ZNF362: variants seen among roughly 807,000 people sequenced by gnomAD.
The protein encoded by ZNF362 is zinc finger protein 362.
Under a neutral mutation model 42.9 loss-of-function variants are expected in ZNF362, and 11 were observed. That is an observed-to-expected ratio of 0.26 (90% CI 0.16 to 0.42). The LOEUF (loss-of-function observed/expected upper bound fraction) is 0.42, where lower values mean the gene tolerates loss of function less well. Among genes scored for constraint, ZNF362 ranks in the 20% least tolerant of loss-of-function variants. ZNF362 has a pLI of 1.00. For synonymous variants in ZNF362, 255 were observed against 257.3 expected (o/e 0.99, Z 0.09); for missense variants, 362 against 576.2 (o/e 0.63, Z 3.81).
At chr1:33,132,830 C>A in the ZNF362 span, among the ~76,000 whole-genome samples, 2 of 152,174 alleles carry the variant, frequency 1.3e-5, no homozygotes, top group Admixed American at 1.3e-4. Flanking sequence ...GTCCTGAGAT[C>A]TTGGGTAGTG....
intron 1 of ZNF362, among the ~76,000 whole-genome samples, chr1:33,263,098 T>C (rs1645840211): frequency 6.6e-6 from 1 of 152,250 alleles, no homozygotes; most frequent in Admixed American, 6.5e-5. Flanking sequence ...TGTTTTTACA[T>C]GTAGATGAGT....
the ZNF362 span, among the ~76,000 whole-genome samples, chr1:33,157,686 G>A: frequency 2.0e-3 from 306 of 152,046 alleles, 2 homozygotes; most frequent in Non-Finnish European, 3.2e-3. Flanking sequence ...AGGAGTCTAT[G>A]AAGTGTCCAG....
rs751333964 is a variant in ZNF362, at chr1:33,276,539, G to A, written c.294G>A (p.Ala98=). Residue 98 remains alanine (A), a synonymous_variant, in exon 4 of 9, where the codon GCG becomes GCA. Coordinates refer to ENST00000539719, the MANE Select transcript of ZNF362 (RefSeq NM_152493.3). ...LQQVPGLHPQ[A]VPQPDVALHA... Reference sequence around the variant, plus strand: ...AGGTGCCGGGGCTGCATCCACAGGCGGTGCCGCAGCCCGACGTGGCGCTGC... The same window carrying A: ...AGGTGCCGGGGCTGCATCCACAGGCAGTGCCGCAGCCCGACGTGGCGCTGC... 1.4e-5 allele frequency: 21 copies of A among 1,512,836 alleles called. No individual in the cohort carries two copies. Among genetic ancestry groups the A allele is most frequent in the Middle Eastern group, 2.0e-4 (1 of 5,058 alleles). 93.7% of individuals were successfully genotyped at this position (1,512,836 alleles called of 1,614,324 possible).
chr1:33,285,901 A>G (rs1023826700), intron 6 of ZNF362, among the ~76,000 whole-genome samples: 2 of 152,164 alleles, frequency 1.3e-5, no homozygotes, highest in African/African-American at 4.8e-5. Flanking sequence ...TGTCTTTACT[A>G]AAAATACAAA....
the ZNF362 span, among the ~76,000 whole-genome samples, chr1:33,128,953 G>A: frequency 2.6e-5 from 4 of 152,202 alleles, no homozygotes; most frequent in Non-Finnish European, 5.9e-5. Flanking sequence ...TCTGATTAGG[G>A]ATAGATAAAG....
the ZNF362 span, chr1:33,166,198 AG>A: frequency 6.6e-6 from 1 of 152,384 alleles, no homozygotes; most frequent in Non-Finnish European, 1.5e-5. Flanking sequence ...CGGAAAAACA[AG>A]CTCAGGGCTC....
chr1:33,238,800 C>G, the ZNF362 span, among the ~76,000 whole-genome samples: 1 of 152,100 alleles, frequency 6.6e-6, no homozygotes, highest in East Asian at 1.9e-4. Context: ...TCTATCTCTC[C>G]CTCTCGACGT....
the ZNF362 span, among the ~76,000 whole-genome samples, chr1:33,207,196 C>T: frequency 1.2e-4 from 18 of 151,228 alleles, no homozygotes; most frequent in African/African-American, 3.7e-4. Context: ...TGAGAACATG[C>T]GGTGTTTGGT....
intron 2 of ZNF362, among the ~76,000 whole-genome samples, chr1:33,275,517 A>T (rs1645937799): frequency 6.6e-6 from 1 of 152,164 alleles, no homozygotes; most frequent in East Asian, 1.9e-4. Context: ...CAGAAGTACA[A>T]TTTCTTGAGT....
At chr1:33,128,403 T>G in the ZNF362 span, among the ~76,000 whole-genome samples, 1 of 151,956 alleles carries the variant, frequency 6.6e-6, no homozygotes, top group Non-Finnish European at 1.5e-5. Flanking sequence ...TTAACGTATT[T>G]AAAGCACTCA....
At chr1:33,225,321 T>G in the ZNF362 span, among the ~76,000 whole-genome samples, 1 of 152,188 alleles carries the variant, frequency 6.6e-6, no homozygotes, top group Non-Finnish European at 1.5e-5. Context: ...TTATTTTTCT[T>G]TATGCATTAT....
chr1:33,224,801 G>C, the ZNF362 span, among the ~76,000 whole-genome samples: 1 of 152,134 alleles, frequency 6.6e-6, no homozygotes, highest in Non-Finnish European at 1.5e-5. Flanking sequence ...GATGCATTAA[G>C]AATTATGAAC....
At chr1:33,173,700 T>A in the ZNF362 span, among the ~76,000 whole-genome samples, 1 of 150,274 alleles carries the variant, frequency 6.7e-6, no homozygotes, top group Non-Finnish European at 1.5e-5. Context: ...TTTCCCTAAT[T>A]AAAAAAAATT....
chr1:33,285,589 GT>G (rs1200108423), intron 6 of ZNF362, among the ~76,000 whole-genome samples: 1 of 152,032 alleles, frequency 6.6e-6, no homozygotes, highest in Non-Finnish European at 1.5e-5. Context: ...ATTAGATTAG[GT>G]TTTTTTGGTC....
At chr1:33,250,596 G>A in the ZNF362 span, among the ~76,000 whole-genome samples, 2 of 152,224 alleles carry the variant, frequency 1.3e-5, no homozygotes, top group South Asian at 4.1e-4. Flanking sequence ...TGGGGAGCAG[G>A]GGGAGGGAGA....
At chr1:33,203,814 GTTAT>G in the ZNF362 span, among the ~76,000 whole-genome samples, 2 of 151,954 alleles carry the variant, frequency 1.3e-5, no homozygotes, top group African/African-American at 2.4e-5. Context: ...TTTTAATTGG[GTTAT>G]TTGTTTTCTT....
chr1:33,212,831 G>C, the ZNF362 span, among the ~76,000 whole-genome samples: 1 of 152,168 alleles, frequency 6.6e-6, no homozygotes, highest in South Asian at 2.1e-4. Flanking sequence ...TTTAACATGA[G>C]ATTTGGAGAA....
upstream of ZNF362, among the ~76,000 whole-genome samples, chr1:33,255,357 T>A (rs1426453340): frequency 6.6e-6 from 1 of 152,252 alleles, no homozygotes; most frequent in Non-Finnish European, 1.5e-5. Flanking sequence ...TGATTGTTTA[T>A]CTCTGTGCCC....
chr1:33,210,127 T>C, the ZNF362 span, among the ~76,000 whole-genome samples: 1 of 152,210 alleles, frequency 6.6e-6, no homozygotes, highest in East Asian at 1.9e-4. Context: ...GTATGTTGTG[T>C]CTTTGTTCTT....
Sources: gnomAD v4.1 joint callset for allele counts (sites outside exome capture counted in the v4.1 genomes callset) on GRCh38, gnomAD v4.1.1 for gene constraint, MANE v1.5 for transcripts, NCBI Gene and HGNC (gene_info 2026-07-23, HGNC 2026-07-21) for gene names.